Variants in NOX1 observed in about 807,000 individuals in gnomAD.
NOX1 encodes NADH/NADPH mitogenic oxidase subunit P65-MOX.
NOX1 carries 34 observed loss-of-function variants against 42.5 expected under a neutral mutation model. That is an observed-to-expected ratio of 0.80 (90% CI 0.61 to 1.07). NOX1 has a LOEUF of 1.07. NOX1 is among the 50% of genes least tolerant of loss of function. The probability of loss-of-function intolerance (pLI) is 0.00; values close to 1 mark genes in which losing one functional copy is unlikely to be tolerated. For synonymous variants in NOX1, 143 were observed against 152.5 expected, an observed-to-expected ratio of 0.94 and a Z score of 0.46; for missense variants, 408 against 427.0, an observed-to-expected ratio of 0.96 and a Z score of 0.39.
chrX:100,869,478 A>G (rs1276375720), intron 2 of NOX1, among the ~76,000 whole-genome samples: 1 of 109,328 alleles, frequency 9.1e-6, no homozygotes, highest in Non-Finnish European at 1.9e-5. Flanking sequence ...TTGTTGGTGT[A>G]TAAGAATGCT....
chrX:100,853,314 C>CTCTCTCTT, intron 7 of NOX1, among the ~76,000 whole-genome samples: 1 of 82,018 alleles, frequency 1.2e-5, no homozygotes, highest in South Asian at 6.4e-4. Flanking sequence ...TTCTTTCTTT[C>CTCTCTCTT]TTTCTTTCTC....
chrX:100,848,497 G>C (rs1398647026), intron 12 of NOX1, 133 bp downstream of exon 12: 1 of 474,683 alleles, frequency 2.1e-6, no homozygotes, highest in Non-Finnish European at 3.2e-6. Context: ...TTGCCAAGTT[G>C]GCCAGACTGG....
chrX:100,855,784 C>A, intron 7 of NOX1: 1 of 1,065,625 alleles, frequency 9.4e-7, no homozygotes, highest in African/African-American at 1.8e-5. Flanking sequence ...CCAAAACCAC[C>A]TCCACGACCA....
At chrX:100,860,544 A>G (rs1454046114) in intron 7 of NOX1, among the ~76,000 whole-genome samples, 2 of 111,868 alleles carry the variant, frequency 1.8e-5, no homozygotes, top group Non-Finnish European at 3.8e-5. Context: ...AATAACATTA[A>G]GCATCATTTC....
intron 7 of NOX1, among the ~76,000 whole-genome samples, chrX:100,861,397 C>G (rs146704459): frequency 9.0e-6 from 1 of 111,494 alleles, no homozygotes; most frequent in African/African-American, 3.3e-5. Context: ...GATTTAAAGA[C>G]CTTAATCATT....
chrX:100,863,146 T>C lies in NOX1; in HGVS notation c.337+13A>G, dbSNP rs1309753002. 1 of 1,154,617 alleles carries C rather than the reference T, an allele frequency of 8.7e-7. No homozygotes were observed. Among genetic ancestry groups the C allele is most frequent in the Admixed American group, 2.2e-5 (1 of 45,894 alleles). The stretch of plus-strand genomic sequence containing the variant: ...GCCCTGGAGTCTGCAGATTCATGGA[T>C]TGCCTGAGTTACCTGTATGTAGGCA... On this transcript the variant is annotated intron_variant, in intron 4 of 12. Transcript: ENST00000372966.
At chrX:100,863,720 C>T (rs985408418) in intron 2 of NOX1, 125 bp from the exon 3 acceptor site, 3 of 1,029,144 alleles carry the variant, frequency 2.9e-6, no homozygotes, top group African/African-American at 1.9e-5. Context: ...TCTCCTCTCT[C>T]TCAGTAGCTA....
At chrX:100,873,154 C>G (rs1339070941) in intron 1 of NOX1, among the ~76,000 whole-genome samples, 2 of 110,360 alleles carry the variant, frequency 1.8e-5, no homozygotes, top group Non-Finnish European at 3.8e-5. Flanking sequence ...GAATGAAGAT[C>G]TAGGAAAGTG....
rs771702198 is a variant in NOX1, at chrX:100,874,235, G to A, written c.-96C>T. 1.5e-5 allele frequency: 9 copies of A among 594,525 alleles called. No homozygotes were observed. Among genetic ancestry groups the A allele is most frequent in the East Asian group, 9.9e-5 (3 of 30,209 alleles). The allele number at this position is 594,525 out of a possible 1,213,427, so 49.0% of individuals were successfully genotyped here. On this transcript the variant is annotated 5_prime_UTR_variant, in exon 1 of 13. Transcript: ENST00000372966. ...TTCAGGAATGGAACATTTGTCCAGC[G>A]CAGGGTCTGTGAGCCTTTAAGATGT...
chrX:100,846,490 C>T (rs1164656652), intron 12 of NOX1, among the ~76,000 whole-genome samples: 1 of 111,426 alleles, frequency 9.0e-6, no homozygotes, highest in East Asian at 2.8e-4. Context: ...CTATTGACCA[C>T]GCTTCTCTAA....
Position 100,862,154 on chromosome X carries a change from GC to G in NOX1, c.804+16del. 8.3e-7 allele frequency: 1 copy of G among 1,209,531 alleles called. No homozygotes were observed. Among genetic ancestry groups the G allele is most frequent in the Non-Finnish European group, 1.1e-6 (1 of 893,646 alleles). On this transcript the variant is annotated intron_variant, in intron 7 of 12. Transcript: ENST00000372966. ...CAGCTCCTAACAAGAGTCTGTCCTT[GC>G]CCGTAGGGCTCTTACCTCAGGGGGA...
intron 12 of NOX1, among the ~76,000 whole-genome samples, chrX:100,845,719 G>A (rs997269461): frequency 9.7e-6 from 1 of 102,773 alleles, no homozygotes; most frequent in Non-Finnish European, 2.0e-5. Context: ...GGGTTCAAGC[G>A]ATTCTCCTGC....
intron 12 of NOX1, among the ~76,000 whole-genome samples, chrX:100,846,514 G>T (rs951080860): frequency 9.0e-6 from 1 of 110,878 alleles, no homozygotes; most frequent in Non-Finnish European, 1.9e-5. Context: ...TTGCTCCCTT[G>T]GGTTCTGTGA....
intron 7 of NOX1, among the ~76,000 whole-genome samples, chrX:100,857,418 C>T (rs765122467): frequency 5.5e-4 from 61 of 111,825 alleles, no homozygotes; most frequent in Non-Finnish European, 8.1e-4. Context: ...CTAGGTCAAA[C>T]GGTAATCTGT....
intron 2 of NOX1, among the ~76,000 whole-genome samples, chrX:100,866,611 AAC>A (rs2085239915): frequency 9.1e-6 from 1 of 110,257 alleles, no homozygotes; most frequent in Admixed American, 9.8e-5. Flanking sequence ...GGTTTTTGCA[AAC>A]AGTTTTAATA....
intron 7 of NOX1, among the ~76,000 whole-genome samples, chrX:100,853,282 CTT>C (rs775067957): frequency 3.2e-4 from 20 of 62,764 alleles, no homozygotes; most frequent in African/African-American, 1.2e-3. Flanking sequence ...TTCTTTCTTT[CTT>C]TCTTTCTTTC....
intron 1 of NOX1, among the ~76,000 whole-genome samples, chrX:100,871,685 C>G (rs900482910): frequency 6.3e-5 from 7 of 111,959 alleles, no homozygotes; most frequent in African/African-American, 2.3e-4. Context: ...CAACTGGTCT[C>G]TAGCCCAAGT....
In NOX1 at chrX:100,849,790, G is replaced by C. The variant is rs767898415; in HGVS notation, c.1278C>G (p.His426Gln). Residue 426 changes from histidine (H) to glutamine (Q), a missense_variant, in exon 10 of 13, where the codon CAC (histidine) becomes CAG (glutamine). His to Gln is a conservative substitution (Grantham distance 24, BLOSUM62 0). Transcript: ENST00000372966. ...ATTATACCTTTTTTGTTTTGAGGTTGTGGTCTGCACACTGGAATTTGTACC... is the reference window on the plus strand; with the variant it reads ...ATTATACCTTTTTTGTTTTGAGGTTCTGGTCTGCACACTGGAATTTGTACC... ...SIWYKFQCAD[H>Q]NLKTKKIYFY... The C allele has an allele frequency of 4.2e-5, 50 of 1,204,022 alleles. No homozygotes were observed. The Admixed American group carries it at 1.1e-3, about 27-fold the overall frequency.
chrX:100,849,695 T>C (rs975237065), intron 10 of NOX1, 77 bp downstream of exon 10: 1 of 1,018,479 alleles, frequency 9.8e-7, no homozygotes, highest in Non-Finnish European at 1.3e-6. Flanking sequence ...CCCTTATCAA[T>C]TGTAAAGAGC....
Sources: allele counts gnomAD v4.1 joint callset (sites outside exome capture counted in the v4.1 genomes callset), GRCh38; gene constraint gnomAD v4.1.1; transcripts MANE v1.5; gene names NCBI Gene and HGNC (gene_info 2026-07-23, HGNC 2026-07-21).